USH2A: variants seen among roughly 807,000 people sequenced by gnomAD.
The protein encoded by USH2A is usherin.
In USH2A, 443 loss-of-function variants were observed where a neutral mutation model predicts 538.9. The observed-to-expected ratio is 0.82, with a 90% CI of 0.76 to 0.89. USH2A has a LOEUF of 0.89. USH2A is among the 40% of genes least tolerant of loss of function. USH2A has a pLI of 0.00. For synonymous variants in USH2A, 2,413 were observed against 2,273.5 expected, an observed-to-expected ratio of 1.06 and a Z score of -1.75; for missense variants, 6,633 against 6,324.8, an observed-to-expected ratio of 1.05 and a Z score of -1.65.
chr1:216,074,440 A>G (rs1157874437), intron 27 of USH2A, among the ~76,000 whole-genome samples: 2 of 152,168 alleles, frequency 1.3e-5, no homozygotes, highest in Non-Finnish European at 2.9e-5. Context: ...TGGAAATAAA[A>G]TATAATGAAA....
At chr1:215,866,452 T>C (rs758479947) in intron 44 of USH2A, among the ~76,000 whole-genome samples, 7 of 152,190 alleles carry the variant, frequency 4.6e-5, no homozygotes, top group African/African-American at 7.2e-5. Context: ...TGGTGATGTC[T>C]AGGCTTCCTT....
intron 49 of USH2A, among the ~76,000 whole-genome samples, chr1:215,809,759 T>C (rs942486704): frequency 4.4e-4 from 67 of 152,132 alleles, no homozygotes; most frequent in Non-Finnish European, 1.9e-4. Flanking sequence ...TTATGGGGTG[T>C]TATGGAAGAA....
At chr1:216,288,734 T>C (rs2036938155) in intron 11 of USH2A, among the ~76,000 whole-genome samples, 1 of 152,160 alleles carries the variant, frequency 6.6e-6, no homozygotes, top group Non-Finnish European at 1.5e-5. Flanking sequence ...ATACATGAAC[T>C]GAGGTTAGTT....
At chr1:216,355,305 CAAAAAGAAAGAA>C (rs1467490782) in intron 4 of USH2A, among the ~76,000 whole-genome samples, 1 of 64,418 alleles carries the variant, frequency 1.6e-5, no homozygotes, top group Non-Finnish European at 2.9e-5. Flanking sequence ...GACTCTGCTT[CAAAAAGAAAGAA>C]AGAAAGAAAG....
Position 215,635,035 on chromosome 1 carries a change from A to C in USH2A, c.15053-332T>G, listed in dbSNP as rs556545106. 3.3e-5 allele frequency among the ~76,000 whole-genome samples: 5 copies of C among 152,162 alleles called. No individual in the cohort carries two copies. The East Asian group carries it at 9.7e-4, about 30-fold the overall frequency. On this transcript the variant is annotated intron_variant, in intron 69 of 71. Transcript: ENST00000307340. ...GGTTACCAAAGTAACCTTGAGGGTCACCTGTTTCATAGCTGTGTGTCTTGG... is the reference window on the plus strand; with the variant it reads ...GGTTACCAAAGTAACCTTGAGGGTCCCCTGTTTCATAGCTGTGTGTCTTGG...
At chr1:216,382,751 G>A (rs1167255337) in intron 3 of USH2A, among the ~76,000 whole-genome samples, 1 of 152,062 alleles carries the variant, frequency 6.6e-6, no homozygotes. Context: ...GAGTCTGAAC[G>A]GAAGAAGAAA....
chr1:215,880,082 G>A (rs1664868912), intron 41 of USH2A, among the ~76,000 whole-genome samples: 1 of 152,104 alleles, frequency 6.6e-6, no homozygotes, highest in Non-Finnish European at 1.5e-5. Context: ...GTCATGTTTT[G>A]TTAGATTATA....
chr1:216,390,015 A>T (rs201181641), intron 3 of USH2A, among the ~76,000 whole-genome samples: 2 of 26,446 alleles, frequency 7.6e-5, no homozygotes, highest in Non-Finnish European at 3.2e-4. Context: ...GTCAGTTTTA[A>T]AAGACAGTAA....
At position 216,084,879 on chromosome 1, in the gene USH2A, T is replaced by C. The variant is rs143521854; in HGVS notation, c.4988-2A>G. Reference sequence around the variant, plus strand: ...CCACAAAACCTTTTTGGATTATCTCTGCAGGAGTTTATAGATATCAAGAAA... The same window carrying C: ...CCACAAAACCTTTTTGGATTATCTCCGCAGGAGTTTATAGATATCAAGAAA... On this transcript the variant is annotated splice_acceptor_variant, in intron 24 of 71. Coordinates refer to ENST00000307340, the MANE Select transcript of USH2A (RefSeq NM_206933.4). LOFTEE classifies it high-confidence loss of function. The C allele has an allele frequency of 6.2e-7, 1 of 1,612,106 alleles. No individual in the cohort carries two copies. The highest frequency in any genetic ancestry group is 8.5e-7 in the Non-Finnish European group (1 of 1,178,496).
At chr1:216,207,997 C>G (rs904023722) in intron 15 of USH2A, among the ~76,000 whole-genome samples, 6 of 150,278 alleles carry the variant, frequency 4.0e-5, no homozygotes, top group African/African-American at 1.5e-4. Flanking sequence ...TATGAATGTA[C>G]CATCACCTGT....
intron 55 of USH2A, among the ~76,000 whole-genome samples, chr1:215,777,774 G>C (rs1661506388): frequency 6.6e-6 from 1 of 152,168 alleles, no homozygotes; most frequent in Non-Finnish European, 1.5e-5. Flanking sequence ...TTTCCTTTCA[G>C]ATACAGGCAG....
intron 4 of USH2A, among the ~76,000 whole-genome samples, chr1:216,355,375 G>C (rs1051510917): frequency 7.5e-6 from 1 of 133,850 alleles, no homozygotes; most frequent in Admixed American, 7.6e-5. Flanking sequence ...AAGAAAGAAA[G>C]AAGGAAAGAA....
chr1:215,817,100 GT>G lies in USH2A; in HGVS notation c.9466del (p.Thr3156LeufsTer4). On this transcript the variant is annotated frameshift_variant, in exon 48 of 72. Transcript: ENST00000307340. LOFTEE classifies it high-confidence loss of function. ...LWKTWYPCAK[T>X]QKLVQDQSDE... Reference sequence around the variant, plus strand: ...ACTCTGATCCTGCACTAACTTTTGAGTTTTAGCGCATGGATACCATGTTTTC... The same window carrying G: ...ACTCTGATCCTGCACTAACTTTTGAGTTTAGCGCATGGATACCATGTTTTC... The G allele has an allele frequency of 6.2e-7, 1 of 1,612,896 alleles. No individual in the cohort carries two copies. The highest frequency in any genetic ancestry group is 8.5e-7 in the Non-Finnish European group (1 of 1,179,104).
intron 21 of USH2A, among the ~76,000 whole-genome samples, chr1:216,147,911 A>G (rs1158041789): frequency 4.9e-5 from 7 of 143,478 alleles, no homozygotes; most frequent in South Asian, 2.4e-4. Flanking sequence ...GACCCCACTG[A>G]AAATCGGACT....
chr1:216,149,980 G>A (rs945021201), intron 21 of USH2A, among the ~76,000 whole-genome samples: 2 of 152,080 alleles, frequency 1.3e-5, no homozygotes, highest in South Asian at 2.1e-4. Context: ...AAACTCACTC[G>A]TATTTCTGAA....
intron 12 of USH2A, among the ~76,000 whole-genome samples, chr1:216,250,629 T>A (rs1448533426): frequency 6.6e-6 from 1 of 152,242 alleles, no homozygotes; most frequent in Non-Finnish European, 1.5e-5. Flanking sequence ...GCAAATTATA[T>A]TTTTCTATGA....
At position 215,628,770 on chromosome 1, in the gene USH2A, T is replaced by C. The variant is rs375180670; in HGVS notation, c.15519+44A>G. On this transcript the variant is annotated intron_variant, in intron 71 of 71. Coordinates refer to ENST00000307340, the MANE Select transcript of USH2A (RefSeq NM_206933.4). ...CAGGCAGCTCTGTACCAATATTTTTTCTGGGATATTTAGCAAAGGCCCTGT... is the reference window on the plus strand; with the variant it reads ...CAGGCAGCTCTGTACCAATATTTTTCCTGGGATATTTAGCAAAGGCCCTGT... 19 of 1,603,566 alleles carry C rather than the reference T, an allele frequency of 1.2e-5. No individual in the cohort carries two copies. In the African/African-American group the frequency reaches 1.3e-4, roughly 11 times the overall value.
chr1:215,698,686 T>G (rs1658898408), intron 61 of USH2A, among the ~76,000 whole-genome samples: 1 of 152,206 alleles, frequency 6.6e-6, no homozygotes, highest in Admixed American at 6.5e-5. Flanking sequence ...TTTTTTCTTG[T>G]AAATTTGTTT....
intron 47 of USH2A, among the ~76,000 whole-genome samples, chr1:215,825,868 TAA>T (rs1270680138): frequency 6.6e-6 from 1 of 152,172 alleles, no homozygotes; most frequent in Non-Finnish European, 1.5e-5. Context: ...TTGTAGTAGG[TAA>T]AAAGTCAAAA....
Sources: gnomAD v4.1 joint callset for allele counts (sites outside exome capture counted in the v4.1 genomes callset) on GRCh38, gnomAD v4.1.1 for gene constraint, MANE v1.5 for transcripts, NCBI Gene and HGNC (gene_info 2026-07-23, HGNC 2026-07-21) for gene names.